MGAT4C: variants seen among roughly 807,000 people sequenced by gnomAD.
MGAT4C encodes the protein MGAT4 family member C.
Under a neutral mutation model 40.1 loss-of-function variants are expected in MGAT4C, and 19 were observed. The ratio of observed to expected loss-of-function variants is 0.47; its 90% confidence interval spans 0.33 to 0.70. MGAT4C has a LOEUF of 0.70. Among genes scored for constraint, MGAT4C ranks in the 30% least tolerant of loss-of-function variants. The probability of loss-of-function intolerance (pLI) is 0.02; values close to 1 mark genes in which losing one functional copy is unlikely to be tolerated. For missense variants in MGAT4C, 491 were observed against 563.2 expected (o/e 0.87, Z 1.30); for synonymous variants, 181 against 187.1 (o/e 0.97, Z 0.27).
chr12:86,284,923 T>C (rs1307138697), intron 4 of MGAT4C, among the ~76,000 whole-genome samples: 1 of 152,146 alleles, frequency 6.6e-6, no homozygotes, highest in South Asian at 2.1e-4. Flanking sequence ...TTCATCCTTA[T>C]GTAATAGTAT....
chr12:85,986,486 A>G (rs1885214802), intron 3 of MGAT4C, among the ~76,000 whole-genome samples: 1 of 152,208 alleles, frequency 6.6e-6, no homozygotes, highest in Admixed American at 6.5e-5. Flanking sequence ...ACTTAAAGGC[A>G]CATATATCTC....
intron 1 of MGAT4C, among the ~76,000 whole-genome samples, chr12:86,182,612 A>T (rs1888252210): frequency 6.7e-6 from 1 of 149,966 alleles, no homozygotes; most frequent in African/African-American, 2.5e-5. Context: ...TTTTCTTCCT[A>T]TTCTCTCTTC....
At chr12:86,730,074 A>G (rs1449769187) in intron 1 of MGAT4C, among the ~76,000 whole-genome samples, 1 of 152,146 alleles carries the variant, frequency 6.6e-6, no homozygotes, top group African/African-American at 2.4e-5. Context: ...TACAGCATAG[A>G]TTTTTCATCT....
chr12:86,354,840 G>T (rs1351581650), intron 3 of MGAT4C, among the ~76,000 whole-genome samples: 2 of 152,178 alleles, frequency 1.3e-5, no homozygotes, highest in Non-Finnish European at 2.9e-5. Context: ...GACCTTCACG[G>T]TGAGTGTTAC....
chr12:86,728,365 A>C (rs757315044), intron 1 of MGAT4C, among the ~76,000 whole-genome samples: 6 of 152,128 alleles, frequency 3.9e-5, no homozygotes, highest in Non-Finnish European at 8.8e-5. Context: ...TTAAAGAAAA[A>C]CACAAAGATA....
At chr12:86,294,909 G>A (rs150219782) in intron 4 of MGAT4C, among the ~76,000 whole-genome samples, 6 of 152,144 alleles carry the variant, frequency 3.9e-5, no homozygotes, top group South Asian at 2.1e-4. Context: ...AGGGCGCCCC[G>A]TAAAGTCTTT....
intron 1 of MGAT4C, among the ~76,000 whole-genome samples, chr12:86,159,405 C>A (rs1377073330): frequency 1.4e-5 from 2 of 144,726 alleles, no homozygotes; most frequent in Admixed American, 7.2e-5. Flanking sequence ...TTTTGATGTG[C>A]TGCTGGATTC....
At chr12:86,206,517 G>A (rs1950261213) in intron 1 of MGAT4C, among the ~76,000 whole-genome samples, 1 of 152,156 alleles carries the variant, frequency 6.6e-6, no homozygotes, top group Non-Finnish European at 1.5e-5. Context: ...CGGTATTTCA[G>A]TGGAAACCTA....
In MGAT4C at chr12:86,223,517, C is replaced by T. The variant is rs529842408; in HGVS notation, c.-57+32722G>A. 7.2e-5 allele frequency among the ~76,000 whole-genome samples: 11 copies of T among 152,296 alleles called. No homozygotes were observed. In the East Asian group the frequency reaches 1.9e-3, roughly 27 times the overall value. ...GACCCACAGCTACCTCGCTAGCCTG[C>T]TTCCATTGTGAGTGCCTTACCCTCC... On this transcript the variant is annotated intron_variant, in intron 1 of 4. Coordinates refer to ENST00000611864, the MANE Select transcript of MGAT4C (RefSeq NM_001351288.2).
chr12:86,747,553 AC>A (rs1300771706), intron 1 of MGAT4C, among the ~76,000 whole-genome samples: 1 of 151,684 alleles, frequency 6.6e-6, no homozygotes, highest in Non-Finnish European at 1.5e-5. Context: ...TATGAAAAAT[AC>A]AATAGCATAT....
At position 85,998,171 on chromosome 12, in the gene MGAT4C, A is replaced by G. The variant is rs1886851389; in HGVS notation, c.-6-8619T>C. Among the ~76,000 whole-genome samples the G allele has an allele frequency of 2.0e-5, 3 of 152,192 alleles. No individual in the cohort carries two copies. In the South Asian group the frequency reaches 6.2e-4, roughly 31 times the overall value. On this transcript the variant is annotated intron_variant, in intron 2 of 4. Coordinates refer to ENST00000611864, the MANE Select transcript of MGAT4C (RefSeq NM_001351288.2). ...CCTCTGAAGCAATGGCCCAAGCTCT[A>G]TGTTGGTCCCTTTCAGCCATGGCTA...
At chr12:86,776,116 C>G (rs1951745169) in intron 1 of MGAT4C, among the ~76,000 whole-genome samples, 1 of 151,680 alleles carries the variant, frequency 6.6e-6, no homozygotes, top group Non-Finnish European at 1.5e-5. Context: ...TCTATAGAGC[C>G]TGATGATTGA....
intron 3 of MGAT4C, among the ~76,000 whole-genome samples, chr12:86,402,703 A>T (rs917978743): frequency 6.6e-6 from 1 of 152,182 alleles, no homozygotes; most frequent in African/African-American, 2.4e-5. Flanking sequence ...CCTAGACTCT[A>T]ACATATAGTA....
intron 1 of MGAT4C, among the ~76,000 whole-genome samples, chr12:86,067,776 T>C (rs1502803): frequency 0.8 from 122,191 of 152,148 alleles, 49,731 homozygotes; most frequent in East Asian, 0.97. Flanking sequence ...ATTTCATTTT[T>C]GATGACATTA....
intron 3 of MGAT4C, among the ~76,000 whole-genome samples, chr12:86,429,160 T>C (rs1956986002): frequency 6.6e-6 from 1 of 152,160 alleles, no homozygotes; most frequent in Non-Finnish European, 1.5e-5. Flanking sequence ...GTGTTGTGTT[T>C]CCATTTGTGT....
At chr12:86,692,389 A>C (rs932668014) in intron 2 of MGAT4C, among the ~76,000 whole-genome samples, 1 of 152,188 alleles carries the variant, frequency 6.6e-6, no homozygotes, top group Non-Finnish European at 1.5e-5. Flanking sequence ...TTAGAAAGAA[A>C]TGTAATACAA....
intron 2 of MGAT4C, among the ~76,000 whole-genome samples, chr12:86,706,468 A>AG (rs200138449): frequency 0.083 from 12,559 of 152,068 alleles, 543 homozygotes; most frequent in African/African-American, 0.11. Flanking sequence ...TATTTTGCCC[A>AG]GCTGGTTGCA....
At chr12:86,012,706 C>T (rs1218154086) in intron 2 of MGAT4C, among the ~76,000 whole-genome samples, 7 of 151,394 alleles carry the variant, frequency 4.6e-5, no homozygotes, top group African/African-American at 7.3e-5. Flanking sequence ...GAGCTGAGAT[C>T]GCACCATTGC....
intron 1 of MGAT4C, among the ~76,000 whole-genome samples, chr12:86,185,390 C>G (rs1158697250): frequency 1.3e-5 from 2 of 152,056 alleles, no homozygotes; most frequent in African/African-American, 4.8e-5. Flanking sequence ...TTATTGAGAA[C>G]AGTTTAGTAC....
Sources: gnomAD v4.1 joint callset for allele counts (sites outside exome capture counted in the v4.1 genomes callset) on GRCh38, gnomAD v4.1.1 for gene constraint, MANE v1.5 for transcripts, NCBI Gene and HGNC (gene_info 2026-07-23, HGNC 2026-07-21) for gene names.